The following FAM184B variants were observed in gnomAD, a reference collection of about 807,000 sequenced individuals.
FAM184B encodes the protein family with sequence similarity 184 member B, also known as protein FAM184B.
In FAM184B, 111 loss-of-function variants were observed where a neutral mutation model predicts 135.9. The ratio of observed to expected loss-of-function variants is 0.82; its 90% confidence interval spans 0.70 to 0.96. The LOEUF is 0.96. Among genes scored for constraint, FAM184B ranks in the 40% least tolerant of loss-of-function variants. The probability of loss-of-function intolerance (pLI) is 0.00; values close to 1 mark genes in which losing one functional copy is unlikely to be tolerated. For missense variants in FAM184B, 1,375 were observed against 1,323.9 expected, an observed-to-expected ratio of 1.04 and a Z score of -0.60; for synonymous variants, 552 against 524.8, an observed-to-expected ratio of 1.05 and a Z score of -0.71.
chr4:17,780,866 GAC>G (rs113026642), intron 1 of FAM184B, among the ~76,000 whole-genome samples: 7 of 151,300 alleles, frequency 4.6e-5, no homozygotes, highest in Non-Finnish European at 7.4e-5. Context: ...AGCTGGCGGG[GAC>G]ACACACACAC....
chr4:17,781,332 G>C lies in FAM184B; in HGVS notation c.-33C>G, dbSNP rs1719029052. 6.7e-7 allele frequency: 1 copy of C among 1,494,692 alleles called. No homozygotes were observed. The highest frequency in any genetic ancestry group is 9.0e-7 in the Non-Finnish European group (1 of 1,114,652). 92.6% of individuals were successfully genotyped at this position (1,494,692 alleles called of 1,614,324 possible). ...ACGCGCCCAGCACTCAGACTCTCTC[G>C]TTTTCTCCCTGCCCACCGTGTGCAC... On this transcript the variant is annotated 5_prime_UTR_variant, in exon 1 of 18. Coordinates refer to ENST00000265018, the MANE Select transcript of FAM184B (RefSeq NM_015688.2). This position sits in a 1 kb window ranked among gnomAD's most constrained non-coding sequence, Gnocchi z 6.5.
chr4:17,644,422 T>A (rs995259210), intron 12 of FAM184B, among the ~76,000 whole-genome samples: 1 of 152,208 alleles, frequency 6.6e-6, no homozygotes, highest in Non-Finnish European at 1.5e-5. Flanking sequence ...GATGCAAGGC[T>A]GGTTCAATAT....
chr4:17,704,439 C>T (rs967748232), intron 5 of FAM184B, among the ~76,000 whole-genome samples: 7 of 152,158 alleles, frequency 4.6e-5, no homozygotes, highest in Non-Finnish European at 1.0e-4. Context: ...GCCCACGTGT[C>T]CTAGGCACTA....
In FAM184B at chr4:17,754,419, C is replaced by T. The variant is rs148115184; in HGVS notation, c.141+26740G>A. On this transcript the variant is annotated intron_variant, in intron 1 of 17. Coordinates refer to ENST00000265018, the MANE Select transcript of FAM184B (RefSeq NM_015688.2). The stretch of plus-strand genomic sequence containing the variant: ...ATACAAAATTAGCCAGGCATGGTAG[C>T]GCATGCCTATAATCCCAGCTACTCA... Among the ~76,000 whole-genome samples the T allele has an allele frequency of 4.5e-3, 687 of 151,972 alleles. 25 individuals carry two copies. The East Asian group carries it at 0.084, about 19-fold the overall frequency.
intron 7 of FAM184B, among the ~76,000 whole-genome samples, chr4:17,677,311 G>A (rs1364616679): frequency 2.0e-5 from 3 of 152,156 alleles, no homozygotes; most frequent in Non-Finnish European, 2.9e-5. Context: ...ACCTCCCAAA[G>A]TGTTAGGATT....
intron 11 of FAM184B, among the ~76,000 whole-genome samples, chr4:17,651,371 A>G (rs1175683151): frequency 2.6e-5 from 4 of 151,888 alleles, no homozygotes; most frequent in Non-Finnish European, 5.9e-5. Context: ...CCTCGTCTCT[A>G]CTAAAAATAC....
intron 1 of FAM184B, among the ~76,000 whole-genome samples, chr4:17,735,744 C>T (rs985687005): frequency 2.0e-5 from 3 of 151,752 alleles, no homozygotes; most frequent in Non-Finnish European, 4.4e-5. Flanking sequence ...TGTGCAAGAC[C>T]ACAAGTGCAA....
intron 10 of FAM184B, among the ~76,000 whole-genome samples, chr4:17,655,633 C>T (rs115701944): frequency 0.01 from 1,555 of 152,302 alleles, 18 homozygotes; most frequent in Middle Eastern, 0.041. Context: ...ATGGCTTCCA[C>T]CCACTGATCC....
At chr4:17,638,942 TCC>T (rs1715229183) in intron 14 of FAM184B, among the ~76,000 whole-genome samples, 1 of 152,120 alleles carries the variant, frequency 6.6e-6, no homozygotes, top group Non-Finnish European at 1.5e-5. Flanking sequence ...GCTCAAGTGA[TCC>T]TCCTGCCTCA....
chr4:17,725,165 A>C (rs1223046426), intron 1 of FAM184B, among the ~76,000 whole-genome samples: 1 of 152,148 alleles, frequency 6.6e-6, no homozygotes, highest in African/African-American at 2.4e-5. Context: ...CCTCAGGGAC[A>C]GGAACTAGTA....
chr4:17,760,928 A>G (rs1378362800), intron 1 of FAM184B, among the ~76,000 whole-genome samples: 1 of 152,224 alleles, frequency 6.6e-6, no homozygotes, highest in Non-Finnish European at 1.5e-5. Flanking sequence ...TCCACCTTGA[A>G]TGGACAAGGA....
At chr4:17,664,769 C>G (rs990862994) in intron 7 of FAM184B, 110 bp from the exon 8 acceptor site, 3 of 827,514 alleles carry the variant, frequency 3.6e-6, no homozygotes, top group Non-Finnish European at 5.5e-6. Context: ...GAAGAGGGAG[C>G]CCCCAGCAAC....
At chr4:17,712,060 C>T (rs935020241) in intron 1 of FAM184B, among the ~76,000 whole-genome samples, 2 of 152,172 alleles carry the variant, frequency 1.3e-5, no homozygotes, top group African/African-American at 4.8e-5. Flanking sequence ...CTCTGCTTTG[C>T]TATGAGATTT....
intron 13 of FAM184B, 37 bp downstream of exon 13, chr4:17,641,999 GGGTGGCGGGGTAGGGGGTGA>G (rs1266371252): frequency 6.8e-7 from 1 of 1,475,696 alleles, no homozygotes. Context: ...GGGGGAGGGG[GGGTGGCGGGGTAGGGGGTGA>G]GGGTGGCGCG....
chr4:17,771,447 T>C (rs969144927), intron 1 of FAM184B, among the ~76,000 whole-genome samples: 3 of 152,190 alleles, frequency 2.0e-5, no homozygotes, highest in Non-Finnish European at 2.9e-5. Flanking sequence ...CCTTACACAA[T>C]GAATCACATC....
intron 1 of FAM184B, among the ~76,000 whole-genome samples, chr4:17,735,058 A>G (rs1717874882): frequency 1.3e-5 from 2 of 152,134 alleles, no homozygotes; most frequent in Admixed American, 6.6e-5. Context: ...GGAAATCATC[A>G]TTCTCAGCAA....
intron 1 of FAM184B, among the ~76,000 whole-genome samples, chr4:17,774,550 C>T (rs764837728): frequency 6.6e-6 from 1 of 152,224 alleles, no homozygotes; most frequent in Admixed American, 6.5e-5. Flanking sequence ...TCTAGAACCT[C>T]TTCTTCCAAA....
At chr4:17,763,133 C>T (rs1277105042) in intron 1 of FAM184B, among the ~76,000 whole-genome samples, 1 of 152,150 alleles carries the variant, frequency 6.6e-6, no homozygotes, top group Non-Finnish European at 1.5e-5. Flanking sequence ...TCAACCCCAG[C>T]CAGCAAGGTC....
chr4:17,677,540 T>C (rs1257561254), intron 7 of FAM184B, among the ~76,000 whole-genome samples: 1 of 151,692 alleles, frequency 6.6e-6, no homozygotes, highest in East Asian at 1.9e-4. Context: ...GGTAAAAAAA[T>C]TGCCAAAAAA....
Sources: gnomAD v4.1 joint callset for allele counts (sites outside exome capture counted in the v4.1 genomes callset) on GRCh38, gnomAD v4.1.1 for gene constraint, Gnocchi (gnomAD v3.1) non-coding constraint, MANE v1.5 for transcripts, NCBI Gene and HGNC (gene_info 2026-07-23, HGNC 2026-07-21) for gene names.